Variants in ZNF536 observed in about 807,000 individuals in gnomAD.
The protein encoded by ZNF536 is zinc finger protein 536.
ZNF536 carries 13 observed loss-of-function variants against 84.5 expected under a neutral mutation model. The ratio of observed to expected loss-of-function variants is 0.15; its 90% CI spans 0.10 to 0.24. The LOEUF is 0.24. Ranked by LOEUF, ZNF536 falls within the 10% of genes least tolerant of loss-of-function variation. The pLI is 1.00. For synonymous variants in ZNF536, 811 were observed against 742.5 expected, an observed-to-expected ratio of 1.09 and a Z score of -1.50; for missense variants, 1,536 against 1,747.5, an observed-to-expected ratio of 0.88 and a Z score of 2.16.
At chr19:30,669,605 C>G (rs912758201) in intron 1 of ZNF536, among the ~76,000 whole-genome samples, 1 of 152,158 alleles carries the variant, frequency 6.6e-6, no homozygotes, top group African/African-American at 2.4e-5. Context: ...TTCGGGAATC[C>G]CGAGATGGCC....
chr19:30,506,061 T>C (rs1161888902), intron 2 of ZNF536, among the ~76,000 whole-genome samples: 1 of 151,190 alleles, frequency 6.6e-6, no homozygotes, highest in Non-Finnish European at 1.5e-5. Context: ...ATAAATATTA[T>C]TTATATAATG....
At chr19:30,700,741 A>T (rs1443913355) in intron 1 of ZNF536, among the ~76,000 whole-genome samples, 1 of 152,176 alleles carries the variant, frequency 6.6e-6, no homozygotes, top group Non-Finnish European at 1.5e-5. Flanking sequence ...AATGTATCCA[A>T]TGGTCAAATG....
Position 30,557,213 on chromosome 19 carries a change from G to C in ZNF536, c.*49G>C. 1.2e-6 allele frequency: 2 copies of C among 1,604,732 alleles called. No individual in the cohort carries two copies. The highest frequency in any genetic ancestry group is 4.5e-5 in the East Asian group (2 of 44,776). ...TCTGGACTTGCCCTTGTCTGTTCGTGGTCCTCGGTGGTTATCTGCAGCTTG... is the reference window on the plus strand; with the variant it reads ...TCTGGACTTGCCCTTGTCTGTTCGTCGTCCTCGGTGGTTATCTGCAGCTTG... On this transcript the variant is annotated 3_prime_UTR_variant, in exon 5 of 5. Transcript: ENST00000355537.
intron 2 of ZNF536, among the ~76,000 whole-genome samples, chr19:30,512,365 T>C (rs1054648185): frequency 6.6e-6 from 1 of 152,174 alleles, no homozygotes; most frequent in Non-Finnish European, 1.5e-5. Flanking sequence ...TAATTAATAT[T>C]AATAATAAAT....
At chr19:30,343,848 A>T (rs1465179110) in intron 2 of ZNF536, among the ~76,000 whole-genome samples, 1 of 152,144 alleles carries the variant, frequency 6.6e-6, no homozygotes, top group Non-Finnish European at 1.5e-5. Context: ...TCACCCACAG[A>T]ATGCTGGGTT....
At chr19:30,636,526 G>A (rs1454461246) in intron 1 of ZNF536, among the ~76,000 whole-genome samples, 1 of 152,168 alleles carries the variant, frequency 6.6e-6, no homozygotes, top group Admixed American at 6.5e-5. Context: ...TATGTTTAAA[G>A]AGAAAAGTCC....
Position 30,548,519 on chromosome 19 carries a change from A to G in ZNF536, c.2900A>G (p.Lys967Arg), listed in dbSNP as rs772922026. ...EKPSGKSSQR[K>R]SEKSQYEPLD... is the part of the protein sequence containing the mutation. ...CCCAGTGGCAAGTCCTCCCAGAGGA[A>G]GTCCGAGAAATCTCAGTATGAACCC... The change falls in exon 4 of 5, where the codon AAG (lysine) becomes AGG (arginine). Residue 967 changes from lysine to arginine, a missense_variant. Physicochemically the swap from Lys to Arg is conservative, Grantham distance 26. Coordinates refer to ENST00000355537, the MANE Select transcript of ZNF536 (RefSeq NM_014717.3). The G allele has an allele frequency of 1.9e-6, 3 of 1,614,176 alleles. No individual in the cohort carries two copies. The South Asian group carries it at 3.3e-5, about 18-fold the overall frequency.
chr19:30,492,156 C>T (rs564765741), intron 2 of ZNF536, among the ~76,000 whole-genome samples: 2 of 152,202 alleles, frequency 1.3e-5, no homozygotes, highest in Non-Finnish European at 2.9e-5. Flanking sequence ...ACAGAAAGTG[C>T]TCTCTGTGCC....
chr19:30,391,128 C>T (rs1421882314), intron 1 of ZNF536, among the ~76,000 whole-genome samples: 1 of 152,220 alleles, frequency 6.6e-6, no homozygotes, highest in Non-Finnish European at 1.5e-5. Context: ...AGGAGCAGGC[C>T]TGGAATCCCT....
At chr19:30,600,865 G>T (rs893215849) in intron 1 of ZNF536, among the ~76,000 whole-genome samples, 8 of 152,254 alleles carry the variant, frequency 5.3e-5, no homozygotes, top group Non-Finnish European at 4.4e-5. Flanking sequence ...CAAGCATCGA[G>T]TGTGGGCCTC....
rs369346390 is a variant in ZNF536 at position 30,548,877 on chromosome 19, G to A, written c.3258G>A (p.Glu1086=). ...AGATGGCCCAAGGTCAGCTCAAGGA[G>A]ACTCTGGGAGAGCAGAAGAGCGGTG... is the stretch of plus-strand genomic sequence containing the variant. ...SEKMAQGQLK[E]TLGEQKSGAW... The change falls in exon 4 of 5, where the codon GAG becomes GAA. Residue 1086 remains glutamate (E), a synonymous_variant. Transcript: ENST00000355537. The A allele has an allele frequency of 5.6e-6, 9 of 1,614,056 alleles. No individual in the cohort carries two copies. Among genetic ancestry groups the A allele is most frequent in the Non-Finnish European group, 5.9e-6 (7 of 1,180,054 alleles).
chr19:30,236,255 T>A (rs1214056501), intron 1 of ZNF536, among the ~76,000 whole-genome samples: 1 of 152,240 alleles, frequency 6.6e-6, no homozygotes, highest in Non-Finnish European at 1.5e-5. Flanking sequence ...ACTGAGGACT[T>A]GCATGTAGCT....
intron 1 of ZNF536, among the ~76,000 whole-genome samples, chr19:30,375,872 T>C (rs1041627101): frequency 6.6e-6 from 1 of 151,416 alleles, no homozygotes; most frequent in Non-Finnish European, 1.5e-5. Context: ...TGTAGGCGCG[T>C]GTGTGTGCGT....
intron 1 of ZNF536, among the ~76,000 whole-genome samples, chr19:30,617,166 G>T (rs2048324876): frequency 6.7e-6 from 1 of 149,916 alleles, no homozygotes; most frequent in Non-Finnish European, 1.5e-5. Flanking sequence ...TTGGGGAACA[G>T]GTGGTATTTG....
At chr19:30,248,388 C>A (rs1424747475) in intron 1 of ZNF536, among the ~76,000 whole-genome samples, 4 of 138,380 alleles carry the variant, frequency 2.9e-5, no homozygotes, top group East Asian at 2.3e-4. Flanking sequence ...TGCCACCATG[C>A]CCTGCTAATT....
intron 1 of ZNF536, among the ~76,000 whole-genome samples, chr19:30,684,384 G>T (rs960242075): frequency 2.6e-5 from 4 of 152,134 alleles, no homozygotes; most frequent in Non-Finnish European, 5.9e-5. Flanking sequence ...TGATCCGCCC[G>T]CCTTGGCCTC....
At chr19:30,597,192 T>C (rs2047497540) in intron 1 of ZNF536, among the ~76,000 whole-genome samples, 2 of 152,216 alleles carry the variant, frequency 1.3e-5, no homozygotes, top group African/African-American at 4.8e-5. Flanking sequence ...CCAACTTCTG[T>C]GGGATGGTCC....
At chr19:30,272,995 C>T (rs932127553) in intron 1 of ZNF536, among the ~76,000 whole-genome samples, 1 of 152,154 alleles carries the variant, frequency 6.6e-6, no homozygotes, top group Non-Finnish European at 1.5e-5. Flanking sequence ...TCACTTCAGC[C>T]TCGACCTCCC....
intron 1 of ZNF536, among the ~76,000 whole-genome samples, chr19:30,400,392 G>A (rs1488396192): frequency 3.3e-5 from 5 of 152,266 alleles, no homozygotes; most frequent in Admixed American, 6.5e-5. Flanking sequence ...GCAGCATTTA[G>A]TATCGTCATT....
Sources: gnomAD v4.1 joint callset for allele counts (sites outside exome capture counted in the v4.1 genomes callset) on GRCh38, gnomAD v4.1.1 for gene constraint, MANE v1.5 for transcripts, NCBI Gene and HGNC (gene_info 2026-07-23, HGNC 2026-07-21) for gene names.